Variants in DLG2 observed in about 807,000 individuals in gnomAD.
DLG2 encodes the protein disks large homolog 2.
In DLG2, 45 loss-of-function variants were observed where a neutral mutation model predicts 132.5. That is an observed-to-expected ratio of 0.34 (90% CI 0.27 to 0.44). The LOEUF (loss-of-function observed/expected upper bound fraction) is 0.44. DLG2 is among the 20% of genes least tolerant of loss of function. The probability of loss-of-function intolerance (pLI) is 1.00; values close to 1 mark genes in which losing one functional copy is unlikely to be tolerated. For synonymous variants in DLG2, 424 were observed against 419.6 expected, an observed-to-expected ratio of 1.01 and a Z score of -0.13; for missense variants, 1,045 against 1,196.9, an observed-to-expected ratio of 0.87 and a Z score of 1.87.
At chr11:85,201,709 G>A (rs1026936575) in intron 4 of DLG2, among the ~76,000 whole-genome samples, 1 of 152,146 alleles carries the variant, frequency 6.6e-6, no homozygotes, top group African/African-American at 2.4e-5. Flanking sequence ...CAAGCATCAA[G>A]AACATTCAGG....
chr11:84,980,556 C>A (rs1256216505), intron 6 of DLG2, among the ~76,000 whole-genome samples: 1 of 152,132 alleles, frequency 6.6e-6, no homozygotes, highest in South Asian at 2.1e-4. Flanking sequence ...GAACTAGGAC[C>A]TTCCTAGATG....
chr11:84,785,320 A>G (rs1217862459), intron 6 of DLG2, among the ~76,000 whole-genome samples: 2 of 152,062 alleles, frequency 1.3e-5, no homozygotes, highest in Non-Finnish European at 2.9e-5. Context: ...ATCTTATGTT[A>G]TGGTTCCCTA....
intron 6 of DLG2, among the ~76,000 whole-genome samples, chr11:85,041,883 A>G (rs2061899105): frequency 6.6e-6 from 1 of 151,928 alleles, no homozygotes; most frequent in South Asian, 2.1e-4. Flanking sequence ...TATGAGCAGA[A>G]GCAAAGCAGG....
At chr11:84,300,238 T>C (rs1486368066) in intron 7 of DLG2, among the ~76,000 whole-genome samples, 2 of 152,188 alleles carry the variant, frequency 1.3e-5, no homozygotes, top group East Asian at 3.9e-4. Context: ...TTAATGTCCA[T>C]ATTGCACTCT....
intron 6 of DLG2, among the ~76,000 whole-genome samples, chr11:84,888,347 C>A (rs942596206): frequency 6.6e-6 from 1 of 152,068 alleles, no homozygotes; most frequent in Non-Finnish European, 1.5e-5. Context: ...TTTTTGCTCT[C>A]CCTTCTTGAG....
At position 85,362,796 on chromosome 11, in the gene DLG2, A is replaced by C. The variant is rs192808052; in HGVS notation, c.41-77431T>G. ...TTATTGAATAAATGAAAAAACAAAA[A>C]TGACTCAATTTATTTTGTTGATACT... is the stretch of plus-strand genomic sequence containing the variant. On this transcript the variant is annotated intron_variant, in intron 3 of 27. Transcript: ENST00000376104. Among the ~76,000 whole-genome samples, 263 of 152,312 alleles carry C rather than the reference A, an allele frequency of 1.7e-3. 2 individuals carry two copies. The highest frequency in any genetic ancestry group is 6.0e-3 in the African/African-American group (248 of 41,576).
chr11:84,573,372 T>C (rs1284451976), intron 6 of DLG2, among the ~76,000 whole-genome samples: 1 of 152,130 alleles, frequency 6.6e-6, no homozygotes, highest in Non-Finnish European at 1.5e-5. Flanking sequence ...TTAATGATAA[T>C]TCAAAGTATT....
At chr11:85,072,119 G>A (rs1322817612) in intron 6 of DLG2, among the ~76,000 whole-genome samples, 3 of 151,812 alleles carry the variant, frequency 2.0e-5, no homozygotes, top group African/African-American at 7.2e-5. Flanking sequence ...TGTCCTCATT[G>A]TTACAATTGT....
At chr11:85,536,014 G>C (rs2075555020) in intron 3 of DLG2, among the ~76,000 whole-genome samples, 1 of 151,858 alleles carries the variant, frequency 6.6e-6, no homozygotes, top group Non-Finnish European at 1.5e-5. Context: ...TCAGGAGTTA[G>C]AGACCAAACT....
At chr11:85,029,007 T>C (rs776217516) in intron 6 of DLG2, among the ~76,000 whole-genome samples, 5 of 152,218 alleles carry the variant, frequency 3.3e-5, no homozygotes, top group Non-Finnish European at 7.4e-5. Context: ...TCAATATTTA[T>C]CCTTTTAACT....
chr11:84,634,177 T>C (rs1485079081), intron 6 of DLG2, among the ~76,000 whole-genome samples: 7 of 152,156 alleles, frequency 4.6e-5, no homozygotes, highest in African/African-American at 1.4e-4. Flanking sequence ...ACCATCTGTA[T>C]TGTCTTCAAT....
chr11:84,280,867 ATTTT>A (rs35970331), intron 7 of DLG2, among the ~76,000 whole-genome samples: 3 of 67,708 alleles, frequency 4.4e-5, no homozygotes, highest in African/African-American at 5.9e-5. Context: ...TGCCCAGCCA[ATTTT>A]TTTTTTTTTT....
intron 6 of DLG2, among the ~76,000 whole-genome samples, chr11:84,615,841 C>CAAAAAAAA (rs1565462543): frequency 1.5e-5 from 1 of 65,900 alleles, no homozygotes; most frequent in African/African-American, 7.1e-5. Flanking sequence ...AAAAAAAAAA[C>CAAAAAAAA]TTCATTCCAG....
chr11:84,449,253 C>T (rs2099044397), intron 7 of DLG2, among the ~76,000 whole-genome samples: 1 of 151,746 alleles, frequency 6.6e-6, no homozygotes. Flanking sequence ...AATAAAATCC[C>T]TTTTTATTTC....
chr11:84,615,859 T>C (rs1031820180), intron 6 of DLG2, among the ~76,000 whole-genome samples: 1 of 132,048 alleles, frequency 7.6e-6, no homozygotes, highest in Non-Finnish European at 1.6e-5. Context: ...CAGTACCCCA[T>C]GTAATATTTC....
intron 4 of DLG2, among the ~76,000 whole-genome samples, chr11:85,175,996 C>T (rs2079212189): frequency 6.6e-6 from 1 of 152,184 alleles, no homozygotes; most frequent in Non-Finnish European, 1.5e-5. Context: ...ATTCCATGCT[C>T]ATGGAGAGGA....
chr11:84,916,330 C>T (rs1289853912), intron 6 of DLG2, among the ~76,000 whole-genome samples: 1 of 102,914 alleles, frequency 9.7e-6, no homozygotes, highest in East Asian at 3.2e-4. Context: ...GCCTGGGCGA[C>T]AGAGCGAGAC....
At chr11:84,058,092 G>C (rs1236214472) in intron 11 of DLG2, among the ~76,000 whole-genome samples, 1 of 151,942 alleles carries the variant, frequency 6.6e-6, no homozygotes, top group African/African-American at 2.4e-5. Flanking sequence ...TTTAAACTCA[G>C]TCCTGAGATC....
chr11:85,197,060 T>A (rs1026323158), intron 4 of DLG2, among the ~76,000 whole-genome samples: 1 of 152,202 alleles, frequency 6.6e-6, no homozygotes, highest in African/African-American at 2.4e-5. Context: ...AAAAGAAAAC[T>A]GAGGGCAGTT....
Sources: gnomAD v4.1 joint callset for allele counts (sites outside exome capture counted in the v4.1 genomes callset) on GRCh38, gnomAD v4.1.1 for gene constraint, MANE v1.5 for transcripts, NCBI Gene and HGNC (gene_info 2026-07-23, HGNC 2026-07-21) for gene names.